CACNG2: variants seen among roughly 807,000 people sequenced by gnomAD.
The protein encoded by CACNG2 is calcium voltage-gated channel auxiliary subunit gamma 2, also known as voltage-dependent calcium channel gamma-2 subunit.
Under a neutral mutation model 25.9 loss-of-function variants are expected in CACNG2, and 3 were observed. The observed-to-expected ratio is 0.12, with a 90% CI of 0.05 to 0.30. The LOEUF (loss-of-function observed/expected upper bound fraction) is 0.30. Ranked by LOEUF, CACNG2 falls within the 10% of genes least tolerant of loss-of-function variation. CACNG2 has a pLI of 1.00. For missense variants in CACNG2, 341 were observed against 432.5 expected (o/e 0.79, Z 1.88); for synonymous variants, 167 against 173.3 (o/e 0.96, Z 0.29).
At chr22:36,628,893 T>TA (rs1296008146) in intron 1 of CACNG2, among the ~76,000 whole-genome samples, 1 of 152,058 alleles carries the variant, frequency 6.6e-6, no homozygotes, top group African/African-American at 2.4e-5. Context: ...GCACCTTCAA[T>TA]AAAAAAGATT....
intron 1 of CACNG2, among the ~76,000 whole-genome samples, chr22:36,675,646 G>C (rs538156109): frequency 1.1e-4 from 17 of 152,334 alleles, no homozygotes; most frequent in Non-Finnish European, 2.1e-4. Flanking sequence ...GGACGGCATG[G>C]TCTGTCCTGG....
At chr22:36,575,279 C>T (rs1445275373) in intron 2 of CACNG2, among the ~76,000 whole-genome samples, 3 of 152,138 alleles carry the variant, frequency 2.0e-5, no homozygotes, top group African/African-American at 2.4e-5. Flanking sequence ...AGGAGGCAAG[C>T]GACATCTTGC....
intron 1 of CACNG2, among the ~76,000 whole-genome samples, chr22:36,655,146 T>C (rs1936684480): frequency 6.6e-6 from 1 of 152,128 alleles, no homozygotes; most frequent in Non-Finnish European, 1.5e-5. Context: ...CTCTTATAAG[T>C]AGAGTTTGGA....
At chr22:36,571,077 A>G (rs1935217075) in intron 2 of CACNG2, among the ~76,000 whole-genome samples, 1 of 152,200 alleles carries the variant, frequency 6.6e-6, no homozygotes, top group Non-Finnish European at 1.5e-5. Context: ...TGGGAATAGT[A>G]AAAATAATAT....
At chr22:36,573,548 T>C (rs1296126880) in intron 2 of CACNG2, among the ~76,000 whole-genome samples, 1 of 152,128 alleles carries the variant, frequency 6.6e-6, no homozygotes, top group Non-Finnish European at 1.5e-5. Context: ...GCCAGCCTGG[T>C]CTCGAACTTC....
intron 1 of CACNG2, among the ~76,000 whole-genome samples, chr22:36,660,065 G>A (rs1015009621): frequency 4.6e-5 from 7 of 152,196 alleles, no homozygotes; most frequent in East Asian, 1.9e-4. Flanking sequence ...CGCACAAGCC[G>A]GGGCCTCCCA....
intron 1 of CACNG2, among the ~76,000 whole-genome samples, chr22:36,592,294 G>A (rs978991690): frequency 6.6e-6 from 1 of 151,726 alleles, no homozygotes; most frequent in African/African-American, 2.4e-5. Flanking sequence ...GGTTGGGGTG[G>A]GGTCAAAGCA....
Position 36,562,978 on chromosome 22 carries a change from A to G in CACNG2, c.*1373T>C, listed in dbSNP as rs1482918858. ...TTTTTTTCTTTACAAGTTCCCTGCT[A>G]AAGTTTAAGTCCCCCACCCCGCCCC... On this transcript the variant is annotated 3_prime_UTR_variant, in exon 4 of 4. Transcript: ENST00000300105. 1.3e-5 allele frequency: 2 copies of G among 151,662 alleles called. No homozygotes were observed. Among genetic ancestry groups the G allele is most frequent in the Non-Finnish European group, 2.9e-5 (2 of 67,910 alleles). 9.4% of individuals were successfully genotyped at this position (151,662 alleles called of 1,614,324 possible).
intron 1 of CACNG2, among the ~76,000 whole-genome samples, chr22:36,639,569 A>G (rs1601430725): frequency 6.6e-6 from 1 of 151,190 alleles, no homozygotes; most frequent in Admixed American, 6.6e-5. Context: ...TGGGAACCCA[A>G]CCTCCTCTGT....
chr22:36,702,845 T>TA lies in CACNG2; in HGVS notation c.-270dup, dbSNP rs112941346. The TA allele has an allele frequency of 1.2e-5, 3 of 253,516 alleles. No individual in the cohort carries two copies. Among genetic ancestry groups the TA allele is most frequent in the South Asian group, 1.8e-4 (2 of 11,210 alleles). The allele number at this position is 253,516 out of a possible 1,614,324, so 15.7% of individuals were successfully genotyped here. A position where few individuals can be genotyped will look rare whatever the true frequency, so the allele number is the denominator to read the frequency against. On this transcript the variant is annotated 5_prime_UTR_variant, in exon 1 of 4. Transcript: ENST00000300105. ...TGTTCCAGTTGCAGTGTTTTTTTTTTAAAAAGAAAAGGAAAAAAAAAATAA... is the reference window on the plus strand; with the variant it reads ...TGTTCCAGTTGCAGTGTTTTTTTTTTAAAAAAGAAAAGGAAAAAAAAAATAA...
At chr22:36,568,406 T>C (rs962335509) in intron 2 of CACNG2, among the ~76,000 whole-genome samples, 1 of 151,944 alleles carries the variant, frequency 6.6e-6, no homozygotes, top group African/African-American at 2.4e-5. Context: ...TAAAATTTAT[T>C]TTTATTTTTA....
At chr22:36,576,081 TG>T (rs1935307451) in intron 2 of CACNG2, among the ~76,000 whole-genome samples, 1 of 152,246 alleles carries the variant, frequency 6.6e-6, no homozygotes, top group Non-Finnish European at 1.5e-5. Context: ...GCCTGTGTGA[TG>T]CATGTTTATA....
chr22:36,582,101 C>A (rs1935427214), intron 2 of CACNG2, among the ~76,000 whole-genome samples: 1 of 152,258 alleles, frequency 6.6e-6, no homozygotes, highest in African/African-American at 2.4e-5. Context: ...GCTGTCATCA[C>A]CTCCTGCCTA....
intron 1 of CACNG2, among the ~76,000 whole-genome samples, chr22:36,604,427 T>C (rs1282850622): frequency 6.6e-6 from 1 of 152,236 alleles, no homozygotes; most frequent in African/African-American, 2.4e-5. Flanking sequence ...TTGAGAAGAT[T>C]GATTGCAACT....
rs368881991 is a variant in CACNG2 at position 36,664,321 on chromosome 22, A to G, written c.211+38045T>C. The stretch of plus-strand genomic sequence containing the variant: ...ATCTCTCTGCCTATTCATTCATTCA[A>G]AAATGCTTATTGATCGCCTACTCGA... On this transcript the variant is annotated intron_variant, in intron 1 of 3. Coordinates refer to ENST00000300105, the MANE Select transcript of CACNG2 (RefSeq NM_006078.5). Among the ~76,000 whole-genome samples the G allele has an allele frequency of 1.8e-4, 27 of 152,310 alleles. No homozygotes were observed. The East Asian group carries it at 2.7e-3, about 15-fold the overall frequency.
intron 1 of CACNG2, among the ~76,000 whole-genome samples, chr22:36,600,994 T>C (rs1487643820): frequency 6.6e-6 from 1 of 152,226 alleles, no homozygotes; most frequent in Non-Finnish European, 1.5e-5. Flanking sequence ...TTTCCCTGTG[T>C]GCCAGGAGCA....
intron 1 of CACNG2, among the ~76,000 whole-genome samples, chr22:36,641,696 C>T (rs1936444801): frequency 6.6e-6 from 1 of 152,184 alleles, no homozygotes; most frequent in Non-Finnish European, 1.5e-5. Context: ...CCTTTTCATT[C>T]TAATAATATG....
chr22:36,580,031 G>C (rs574466989), intron 2 of CACNG2, among the ~76,000 whole-genome samples: 1 of 152,378 alleles, frequency 6.6e-6, no homozygotes, highest in Non-Finnish European at 1.5e-5. Context: ...AACACGGATT[G>C]TGGCGAATGC....
At chr22:36,646,149 T>C (rs538378625) in intron 1 of CACNG2, among the ~76,000 whole-genome samples, 22 of 152,262 alleles carry the variant, frequency 1.4e-4, no homozygotes, top group Non-Finnish European at 1.3e-4. Context: ...AGCCTATATC[T>C]GGGAAATATC....
Sources: allele counts gnomAD v4.1 joint callset (sites outside exome capture counted in the v4.1 genomes callset), GRCh38; gene constraint gnomAD v4.1.1; transcripts MANE v1.5; gene names NCBI Gene and HGNC (gene_info 2026-07-23, HGNC 2026-07-21).